PTPRD: variants seen among roughly 807,000 people sequenced by gnomAD.
The protein encoded by PTPRD is receptor-type tyrosine-protein phosphatase delta.
Under a neutral mutation model 214.5 loss-of-function variants are expected in PTPRD, and 34 were observed. The observed-to-expected ratio is 0.16, with a 90% CI of 0.12 to 0.21. The LOEUF is 0.21. PTPRD is among the 10% of genes least tolerant of loss of function. PTPRD has a pLI of 1.00. For synonymous variants in PTPRD, 1,128 were observed against 845.7 expected (o/e 1.33, Z -5.79); for missense variants, 2,545 against 2,398.7 (o/e 1.06, Z -1.27).
At chr9:9,391,525 T>C (rs1471938324) in intron 9 of PTPRD, among the ~76,000 whole-genome samples, 4 of 152,182 alleles carry the variant, frequency 2.6e-5, no homozygotes, top group East Asian at 1.9e-4. Context: ...GCATATACAA[T>C]GATTTTAATC....
intron 7 of PTPRD, among the ~76,000 whole-genome samples, chr9:9,630,457 G>C (rs1330070062): frequency 6.6e-6 from 1 of 152,146 alleles, no homozygotes; most frequent in African/African-American, 2.4e-5. Flanking sequence ...TGAAGGTACA[G>C]CACTAGCCTG....
intron 12 of PTPRD, among the ~76,000 whole-genome samples, chr9:8,694,997 T>C (rs1484061017): frequency 1.3e-5 from 2 of 152,166 alleles, no homozygotes; most frequent in African/African-American, 4.8e-5. Context: ...CATCATTCTG[T>C]CACATAAAAC....
intron 14 of PTPRD, among the ~76,000 whole-genome samples, chr9:8,561,357 CCT>C (rs1318429164): frequency 2.0e-5 from 3 of 152,110 alleles, no homozygotes; most frequent in Non-Finnish European, 4.4e-5. Context: ...CACCGCTGCC[CCT>C]GACTGTGAGC....
chr9:8,479,029 G>C (rs548478159), intron 30 of PTPRD, among the ~76,000 whole-genome samples: 1 of 152,136 alleles, frequency 6.6e-6, no homozygotes, highest in Non-Finnish European at 1.5e-5. Flanking sequence ...CCTGCCCACC[G>C]TTCTGGAATG....
chr9:8,621,608 T>C lies in PTPRD; in HGVS notation c.352+11709A>G, dbSNP rs1595474239. Among the ~76,000 whole-genome samples the C allele has an allele frequency of 2.0e-5, 3 of 151,688 alleles. No homozygotes were observed. In the South Asian group the frequency reaches 6.2e-4, roughly 31 times the overall value. ...GAATTCTTCCTCCCAGATGATGATT[T>C]ATCTGTTTGTAAGCTGAGATGAGGG... On this transcript the variant is annotated intron_variant, in intron 14 of 45. Coordinates refer to ENST00000381196, the MANE Select transcript of PTPRD (RefSeq NM_002839.4).
At chr9:8,567,117 G>T (rs10815916) in intron 14 of PTPRD, among the ~76,000 whole-genome samples, 68,532 of 151,972 alleles carry the variant, frequency 0.45, 16,703 homozygotes, top group African/African-American at 0.66. Context: ...TTATCAGTAC[G>T]TTATAAACAA....
chr9:9,792,312 G>C (rs892310547), intron 5 of PTPRD, among the ~76,000 whole-genome samples: 2 of 152,040 alleles, frequency 1.3e-5, no homozygotes, highest in Non-Finnish European at 2.9e-5. Flanking sequence ...TATTTCATTT[G>C]AAAACTCTGC....
At chr9:8,499,028 CT>C (rs34444146) in intron 25 of PTPRD, among the ~76,000 whole-genome samples, 10,191 of 150,888 alleles carry the variant, frequency 0.068, 471 homozygotes, top group South Asian at 0.12. Flanking sequence ...TTTTTAGTAC[CT>C]TTTTTTTAAA....
At position 8,437,288 on chromosome 9, in the gene PTPRD, C is replaced by CAAAAA. The variant is rs201564000; in HGVS notation, c.3989-604_3989-600dup. ...ATAAAATAAAATAGAACAAATTCTT[C>CAAAAA]AAAAAAAAATGAAATGGAAAGCCTG... On this transcript the variant is annotated intron_variant, in intron 34 of 45. Transcript: ENST00000381196. 3,044 of 1,295,188 alleles carry CAAAAA rather than the reference C, an allele frequency of 2.4e-3. 5 individuals are homozygous for CAAAAA. Among genetic ancestry groups the CAAAAA allele is most frequent in the East Asian group, 0.018 (685 of 37,244 alleles). 80.2% of individuals were successfully genotyped at this position (1,295,188 alleles called of 1,614,324 possible). A position where few individuals can be genotyped will look rare whatever the true frequency, so the allele number is the denominator to read the frequency against.
intron 9 of PTPRD, among the ~76,000 whole-genome samples, chr9:9,322,679 AG>A (rs1967103559): frequency 6.6e-6 from 1 of 152,220 alleles, no homozygotes; most frequent in Admixed American, 6.5e-5. Context: ...GCAATGCTAC[AG>A]GAACACTCTA....
intron 7 of PTPRD, among the ~76,000 whole-genome samples, chr9:9,714,544 G>C (rs533430766): frequency 6.6e-6 from 1 of 152,310 alleles, no homozygotes; most frequent in East Asian, 1.9e-4. Context: ...ATGTAATTCA[G>C]ACTATTAGCT....
intron 8 of PTPRD, among the ~76,000 whole-genome samples, chr9:9,480,806 C>T (rs1056074000): frequency 6.6e-6 from 1 of 151,984 alleles, no homozygotes; most frequent in Non-Finnish European, 1.5e-5. Flanking sequence ...AAGCATACAA[C>T]TAAATGCTAA....
intron 11 of PTPRD, among the ~76,000 whole-genome samples, chr9:8,933,132 A>C (rs181852067): frequency 0.014 from 2,046 of 151,414 alleles, 25 homozygotes; most frequent in Middle Eastern, 0.031. Flanking sequence ...GAGTTCCCCG[A>C]CCCCTTGTGC....
At chr9:10,217,811 G>A (rs6474533) in intron 3 of PTPRD, among the ~76,000 whole-genome samples, 2,637 of 151,924 alleles carry the variant, frequency 0.017, 77 homozygotes, top group African/African-American at 0.06. Context: ...GATGCAAGGA[G>A]AATAATGATT....
chr9:8,581,293 T>C (rs1027825988), intron 14 of PTPRD, among the ~76,000 whole-genome samples: 1 of 151,526 alleles, frequency 6.6e-6, no homozygotes, highest in Non-Finnish European at 1.5e-5. Context: ...AAATTAGCAA[T>C]AGGTAAAAAT....
intron 11 of PTPRD, among the ~76,000 whole-genome samples, chr9:8,765,878 C>T (rs2094698273): frequency 6.6e-6 from 1 of 152,178 alleles, no homozygotes; most frequent in South Asian, 2.1e-4. Context: ...GTATCCACAG[C>T]TTCTGGGCCT....
intron 11 of PTPRD, among the ~76,000 whole-genome samples, chr9:8,964,503 C>A (rs954446159): frequency 2.6e-5 from 4 of 151,754 alleles, no homozygotes; most frequent in Non-Finnish European, 5.9e-5. Flanking sequence ...TTTTAAAGAA[C>A]CAATTTTTGG....
In PTPRD at chr9:9,821,968, T is replaced by A. The variant is rs2050899944; in HGVS notation, c.-367-55117A>T. 3.3e-5 allele frequency among the ~76,000 whole-genome samples: 5 copies of A among 150,272 alleles called. No homozygotes were observed. The South Asian group carries it at 8.3e-4, about 25-fold the overall frequency. On this transcript the variant is annotated intron_variant, in intron 5 of 45. Transcript: ENST00000381196. ...TTTATATATATTAAATTTTGTAGGA[T>A]AAGATAATTCAAATCTGTGACTGAA...
intron 11 of PTPRD, among the ~76,000 whole-genome samples, chr9:8,918,683 C>A (rs771764719): frequency 6.6e-6 from 1 of 152,042 alleles, no homozygotes; most frequent in African/African-American, 2.4e-5. Flanking sequence ...TTTCCTAAAA[C>A]GTACAATTTT....
Sources: allele counts gnomAD v4.1 joint callset (sites outside exome capture counted in the v4.1 genomes callset), GRCh38; gene constraint gnomAD v4.1.1; transcripts MANE v1.5; gene names NCBI Gene and HGNC (gene_info 2026-07-23, HGNC 2026-07-21).